The following ANKHD1 variants were observed in gnomAD, a reference collection of about 807,000 sequenced individuals.
ANKHD1 encodes the protein ankyrin repeat and KH domain containing 1, also known as ankyrin repeat and KH domain-containing protein 1.
ANKHD1 carries 31 observed loss-of-function variants against 230.5 expected under a neutral mutation model. That is an observed-to-expected ratio of 0.13 (90% CI 0.10 to 0.18). ANKHD1 has a LOEUF of 0.18. Among genes scored for constraint, ANKHD1 ranks in the 10% least tolerant of loss-of-function variants. The pLI, the probability that ANKHD1 is intolerant of heterozygous loss-of-function variation, is 1.00. For synonymous variants in ANKHD1, 1,074 were observed against 1,117.6 expected (o/e 0.96, Z 0.78); for missense variants, 2,256 against 3,071.3 (o/e 0.73, Z 6.27).
intron 10 of ANKHD1, among the ~76,000 whole-genome samples, chr5:140,466,215 A>G (rs953632634): frequency 2.0e-5 from 3 of 152,038 alleles, no homozygotes; most frequent in Admixed American, 2.0e-4. Flanking sequence ...AACTTGGTGA[A>G]ACCCTGTCTC....
chr5:140,437,579 C>A (rs112488136), intron 2 of ANKHD1, among the ~76,000 whole-genome samples: 3,028 of 152,088 alleles, frequency 0.02, 104 homozygotes, highest in African/African-American at 0.069. Context: ...GGCGGCGCAC[C>A]CCTGTAATCC....
At chr5:140,451,921 T>C (rs1277881361) in intron 7 of ANKHD1, among the ~76,000 whole-genome samples, 1 of 152,196 alleles carries the variant, frequency 6.6e-6, no homozygotes, top group African/African-American at 2.4e-5. Flanking sequence ...TCTGACCTTA[T>C]GTGTCACAAC....
chr5:140,480,106 T>C (rs1213195004), intron 10 of ANKHD1, among the ~76,000 whole-genome samples: 1 of 151,422 alleles, frequency 6.6e-6, no homozygotes, highest in South Asian at 2.1e-4. Context: ...TATTGTGTGT[T>C]GTGGGATATA....
In ANKHD1 at chr5:140,537,545, T is replaced by C. The variant is rs754671308; in HGVS notation, c.7184T>C (p.Val2395Ala). 2.9e-5 allele frequency: 47 copies of C among 1,609,546 alleles called. No individual in the cohort carries two copies. Among genetic ancestry groups the C allele is most frequent in the African/African-American group, 4.0e-5 (3 of 74,842 alleles). The change falls in exon 31 of 34, where the codon GTT (valine) becomes GCT (alanine). Residue 2395 changes from valine to alanine, a missense_variant. Val to Ala is a moderately conservative substitution (Grantham distance 64, BLOSUM62 0). Transcript: ENST00000360839. Reference protein sequence around the residue: ...APAGTSFVAPVGHSGIWSFGV... With the variant: ...APAGTSFVAPAGHSGIWSFGV... ...GCGGGGACCAGTTTTGTCGCTCCCG[T>C]TGGACACAGTGGAATCTGGTCATTT...
chr5:140,469,036 T>C (rs1343293584), intron 10 of ANKHD1, among the ~76,000 whole-genome samples: 1 of 152,164 alleles, frequency 6.6e-6, no homozygotes, highest in African/African-American at 2.4e-5. Context: ...CTGTTAACAG[T>C]TGATCCCTCC....
intron 10 of ANKHD1, among the ~76,000 whole-genome samples, chr5:140,465,917 G>A (rs1044212494): frequency 1.2e-4 from 19 of 152,034 alleles, no homozygotes; most frequent in East Asian, 5.8e-4. Context: ...GCTTTGAGTC[G>A]TCTATAAAAA....
rs760133999 is a variant in ANKHD1 at position 140,528,741 on chromosome 5, G to A, written c.5795G>A (p.Ser1932Asn). The A allele has an allele frequency of 6.2e-7, 1 of 1,614,172 alleles. No individual in the cohort carries two copies. Among genetic ancestry groups the A allele is most frequent in the African/African-American group, 1.3e-5 (1 of 75,074 alleles). ...GAGTCTGCTGGACTAGCTACTGCCA[G>A]TTGTCCTATCACTGTCTCTTCTGTA... is the stretch of plus-strand genomic sequence containing the variant. ...PSESAGLATA[S>N]CPITVSSVVA... The change falls in exon 29 of 34, where the codon AGT (serine) becomes AAT (asparagine). Residue 1932 changes from serine (S) to asparagine (N), a missense_variant. Coordinates refer to ENST00000360839, the MANE Select transcript of ANKHD1 (RefSeq NM_017747.3).
At chr5:140,497,871 ACCACACC>A (rs1561800913) in intron 15 of ANKHD1, among the ~76,000 whole-genome samples, 1 of 131,664 alleles carries the variant, frequency 7.6e-6, no homozygotes, top group Non-Finnish European at 1.6e-5. Context: ...ACACAACCAC[ACCACACC>A]ACACACACAC....
At position 140,441,255 on chromosome 5, in the gene ANKHD1, A is replaced by C. The variant is rs951465467; in HGVS notation, c.913+113A>C. ...CAGTATAAACCTACAGAAAAATCTT[A>C]GCCCTTGTGTAGAATCTTTGAGTAA... On this transcript the variant is annotated intron_variant, in intron 5 of 33. Transcript: ENST00000360839. 2.3e-6 allele frequency: 3 copies of C among 1,324,068 alleles called. No homozygotes were observed. The African/African-American group carries it at 4.6e-5, about 20-fold the overall frequency. 82.0% of individuals were successfully genotyped at this position (1,324,068 alleles called of 1,614,324 possible).
intron 10 of ANKHD1, among the ~76,000 whole-genome samples, chr5:140,465,867 CTT>C (rs1390225421): frequency 6.6e-6 from 1 of 152,100 alleles, no homozygotes; most frequent in African/African-American, 2.4e-5. Context: ...ACATCTTAGT[CTT>C]TTGACTTCTT....
Position 140,527,334 on chromosome 5 carries a change from C to T in ANKHD1, c.5087+260C>T. 3.0e-6 allele frequency: 1 copy of T among 338,598 alleles called. No homozygotes were observed. The highest frequency in any genetic ancestry group is 5.2e-6 in the Non-Finnish European group (1 of 191,072). The allele number at this position is 338,598 out of a possible 1,614,324, so 21.0% of individuals were successfully genotyped here. On this transcript the variant is annotated intron_variant, in intron 27 of 33. Transcript: ENST00000360839. This position sits in a 1 kb window ranked among gnomAD's most constrained non-coding sequence, Gnocchi z 4.5. Reference sequence around the variant, plus strand: ...TGTAGTTCAAATGTAAAGGCTTTCTCTTGCTTTTTTTCTTTCTCATGTCTC... The same window carrying T: ...TGTAGTTCAAATGTAAAGGCTTTCTTTTGCTTTTTTTCTTTCTCATGTCTC...
intron 24 of ANKHD1, 102 bp from the exon 25 acceptor site, chr5:140,523,964 G>A: frequency 7.2e-7 from 1 of 1,392,308 alleles, no homozygotes; most frequent in Non-Finnish European, 9.5e-7. Flanking sequence ...TGTTTTGAGA[G>A]TAACATCCAT....
At chr5:140,528,128 C>CTTTT in intron 28 of ANKHD1, 56 bp from the exon 29 acceptor site, 1 of 1,384,978 alleles carries the variant, frequency 7.2e-7, no homozygotes, top group Non-Finnish European at 9.5e-7. Flanking sequence ...TTAAGATTAC[C>CTTTT]TTTTTTTTTT....
chr5:140,516,210 A>C (rs1400394538), intron 24 of ANKHD1, among the ~76,000 whole-genome samples: 1 of 152,196 alleles, frequency 6.6e-6, no homozygotes, highest in South Asian at 2.1e-4. Flanking sequence ...TGGAAAATGA[A>C]ATGAATAAAA....
At chr5:140,468,969 CT>C (rs1561769993) in intron 10 of ANKHD1, among the ~76,000 whole-genome samples, 1 of 152,108 alleles carries the variant, frequency 6.6e-6, no homozygotes. Flanking sequence ...AGGTCCACAT[CT>C]GAAATTTTGA....
intron 14 of ANKHD1, among the ~76,000 whole-genome samples, chr5:140,494,247 G>T (rs1204741833): frequency 6.6e-6 from 1 of 152,104 alleles, no homozygotes; most frequent in African/African-American, 2.4e-5. Flanking sequence ...TCAAAACAGG[G>T]ACTCCTATAT....
chr5:140,427,017 C>T (rs1772485579), intron 1 of ANKHD1, among the ~76,000 whole-genome samples: 2 of 152,218 alleles, frequency 1.3e-5, no homozygotes, highest in African/African-American at 4.8e-5. Flanking sequence ...GGCCCGTTCT[C>T]AATGAGCTGT....
At chr5:140,411,497 GTT>G (rs528063904) in intron 1 of ANKHD1, among the ~76,000 whole-genome samples, 2 of 123,604 alleles carry the variant, frequency 1.6e-5, no homozygotes, top group Admixed American at 8.2e-5. Context: ...TGTTGGAAAA[GTT>G]TTTTTTTTTT....
chr5:140,404,607 G>A (rs754398925), intron 1 of ANKHD1, among the ~76,000 whole-genome samples: 4 of 151,476 alleles, frequency 2.6e-5, no homozygotes, highest in Non-Finnish European at 4.4e-5. Context: ...TAATTTTTTT[G>A]TATTTTTAGT....
Sources: gnomAD v4.1 joint callset for allele counts (sites outside exome capture counted in the v4.1 genomes callset) on GRCh38, gnomAD v4.1.1 for gene constraint, Gnocchi (gnomAD v3.1) non-coding constraint, MANE v1.5 for transcripts, NCBI Gene and HGNC (gene_info 2026-07-23, HGNC 2026-07-21) for gene names.